TRDN: variants seen among roughly 807,000 people sequenced by gnomAD.
The protein encoded by TRDN is triadin, also known as triadin in skeletal muscle.
A neutral mutation model predicts 149.7 loss-of-function variants in TRDN; 161 were observed. The ratio of observed to expected loss-of-function variants is 1.08; its 90% CI spans 0.95 to 1.23. The LOEUF is 1.23. Among genes scored for constraint, TRDN ranks in the 50% most tolerant of loss-of-function variants. The pLI is 0.00. For missense variants in TRDN, 896 were observed against 823.5 expected, an observed-to-expected ratio of 1.09 and a Z score of -1.08; for synonymous variants, 294 against 250.5, an observed-to-expected ratio of 1.17 and a Z score of -1.64.
At chr6:123,219,167 C>T (rs946957063) in intron 40 of TRDN, among the ~76,000 whole-genome samples, 3 of 151,828 alleles carry the variant, frequency 2.0e-5, no homozygotes, top group Admixed American at 6.6e-5. Flanking sequence ...TTTATAATGT[C>T]ACAGAGAGGT....
rs886372723 is a variant in TRDN, at chr6:123,336,376, T to C, written c.1420+1243A>G. 3.9e-5 allele frequency among the ~76,000 whole-genome samples: 6 copies of C among 152,012 alleles called. No homozygotes were observed. The South Asian group carries it at 6.2e-4, about 16-fold the overall frequency. ...CTAGCACATTTTGCTGAAACAAATATGTAAAGTAGGTATCAAGGTGCCTGG... is the reference window on the plus strand; with the variant it reads ...CTAGCACATTTTGCTGAAACAAATACGTAAAGTAGGTATCAAGGTGCCTGG... On this transcript the variant is annotated intron_variant, in intron 22 of 40. Coordinates refer to ENST00000334268, the MANE Select transcript of TRDN (RefSeq NM_006073.4).
intron 12 of TRDN, among the ~76,000 whole-genome samples, chr6:123,415,540 G>A (rs537295419): frequency 1.3e-5 from 2 of 152,288 alleles, no homozygotes; most frequent in Non-Finnish European, 2.9e-5. Flanking sequence ...TTAAAACATA[G>A]TTCTTTCTAT....
intron 9 of TRDN, among the ~76,000 whole-genome samples, chr6:123,487,002 G>A (rs896510139): frequency 6.6e-6 from 1 of 151,938 alleles, no homozygotes; most frequent in Non-Finnish European, 1.5e-5. Context: ...AAATGAGTCT[G>A]GTATGTTATT....
chr6:123,435,792 C>G (rs1279801462), intron 12 of TRDN, among the ~76,000 whole-genome samples: 1 of 152,128 alleles, frequency 6.6e-6, no homozygotes, highest in East Asian at 1.9e-4. Flanking sequence ...GCTTCGGTGG[C>G]TGAGCACTGT....
At chr6:123,575,539 A>G (rs1782810906) in intron 1 of TRDN, among the ~76,000 whole-genome samples, 1 of 152,144 alleles carries the variant, frequency 6.6e-6, no homozygotes, top group Admixed American at 6.6e-5. Flanking sequence ...GAAAGTTGGT[A>G]TCTCAGAATT....
intron 21 of TRDN, chr6:123,351,875 A>G: frequency 1.0e-6 from 1 of 985,014 alleles, no homozygotes; most frequent in South Asian, 4.7e-5. Flanking sequence ...GAGCTCTAAG[A>G]GAAGCCACAT....
intron 10 of TRDN, among the ~76,000 whole-genome samples, chr6:123,444,216 T>C: frequency 7.1e-6 from 1 of 141,558 alleles, no homozygotes; most frequent in East Asian, 2.0e-4. Context: ...TTTGTAGTTC[T>C]CCTTGAAGAG....
intron 1 of TRDN, among the ~76,000 whole-genome samples, chr6:123,600,301 C>T (rs1398263632): frequency 6.6e-6 from 1 of 152,038 alleles, no homozygotes; most frequent in Admixed American, 6.6e-5. Flanking sequence ...GCAGAGTGCT[C>T]TCCCTTCCCT....
chr6:123,430,929 T>C (rs1432905375), intron 12 of TRDN, among the ~76,000 whole-genome samples: 2 of 152,190 alleles, frequency 1.3e-5, no homozygotes, highest in Non-Finnish European at 2.9e-5. Context: ...TTACTTTCTC[T>C]AAAACAGATT....
At chr6:123,386,741 C>G (rs1245717252) in intron 14 of TRDN, among the ~76,000 whole-genome samples, 2 of 152,178 alleles carry the variant, frequency 1.3e-5, no homozygotes, top group Admixed American at 6.5e-5. Flanking sequence ...TCTGGATTAG[C>G]TCCTCAGCAA....
intron 20 of TRDN, 93 bp downstream of exon 20, chr6:123,366,042 G>A: frequency 8.9e-7 from 1 of 1,118,650 alleles, no homozygotes; most frequent in South Asian, 1.5e-5. Context: ...TCAATAAATA[G>A]AGCTCTTTTC....
At chr6:123,265,559 T>C (rs887097774) in intron 32 of TRDN, among the ~76,000 whole-genome samples, 9 of 151,322 alleles carry the variant, frequency 5.9e-5, no homozygotes, top group Non-Finnish European at 1.3e-4. Flanking sequence ...GGAATCTTTT[T>C]TGGTCTCTTT....
chr6:123,274,134 A>G (rs1013902844), intron 27 of TRDN, among the ~76,000 whole-genome samples: 14 of 152,126 alleles, frequency 9.2e-5, no homozygotes, highest in African/African-American at 3.4e-4. Context: ...TATAGGTAAT[A>G]ATGGCCATGC....
intron 8 of TRDN, chr6:123,503,298 C>G (rs1198405196): frequency 1.0e-6 from 1 of 985,188 alleles, no homozygotes; most frequent in Non-Finnish European, 1.2e-6. Flanking sequence ...GATATTTACT[C>G]TATATGATTC....
intron 5 of TRDN, among the ~76,000 whole-genome samples, chr6:123,522,223 C>G (rs781498460): frequency 6.6e-6 from 1 of 152,088 alleles, no homozygotes; most frequent in Non-Finnish European, 1.5e-5. Flanking sequence ...TGCCGCCTAC[C>G]GGGCCATCCT....
At chr6:123,322,651 TA>T (rs1779287176) in intron 23 of TRDN, among the ~76,000 whole-genome samples, 1 of 139,828 alleles carries the variant, frequency 7.2e-6, no homozygotes, top group Non-Finnish European at 1.6e-5. Flanking sequence ...TTATTATTAT[TA>T]TTATTTTTGA....
intron 7 of TRDN, among the ~76,000 whole-genome samples, chr6:123,506,905 T>C (rs2114842526): frequency 6.6e-6 from 1 of 152,288 alleles, no homozygotes; most frequent in Admixed American, 6.5e-5. Flanking sequence ...ATATAGATAG[T>C]TTGATCTATC....
At chr6:123,269,327 T>G (rs1258719664) in intron 31 of TRDN, among the ~76,000 whole-genome samples, 1 of 152,052 alleles carries the variant, frequency 6.6e-6, no homozygotes, top group Non-Finnish European at 1.5e-5. Flanking sequence ...ATGTTTATAA[T>G]TAAATGGATT....
intron 8 of TRDN, among the ~76,000 whole-genome samples, chr6:123,498,922 T>G (rs1046989918): frequency 5.9e-5 from 9 of 152,082 alleles, no homozygotes; most frequent in African/African-American, 2.2e-4. Context: ...AAGGGCAACT[T>G]AAACACGAGA....
Sources: allele counts gnomAD v4.1 joint callset (sites outside exome capture counted in the v4.1 genomes callset), GRCh38; gene constraint gnomAD v4.1.1; transcripts MANE v1.5; gene names NCBI Gene and HGNC (gene_info 2026-07-23, HGNC 2026-07-21).